Variants in EPHA6 observed in about 807,000 individuals in gnomAD.
EPHA6 encodes the protein EPH receptor A6, also known as ephrin type-A receptor 6.
Under a neutral mutation model 112.0 loss-of-function variants are expected in EPHA6, and 50 were observed. That is an observed-to-expected ratio of 0.45 (90% CI 0.36 to 0.56). The LOEUF is 0.56. EPHA6 is among the 20% of genes least tolerant of loss of function. EPHA6 has a pLI of 0.00. For synonymous variants in EPHA6, 529 were observed against 490.7 expected, an observed-to-expected ratio of 1.08 and a Z score of -1.03; for missense variants, 1,280 against 1,417.4, an observed-to-expected ratio of 0.90 and a Z score of 1.56.
At chr3:97,232,231 G>A (rs368019307) in intron 4 of EPHA6, among the ~76,000 whole-genome samples, 8 of 152,216 alleles carry the variant, frequency 5.3e-5, no homozygotes, top group South Asian at 2.1e-4. Context: ...ACCTCATACT[G>A]TTGTCACAAT....
Position 97,121,571 on chromosome 3 carries a change from C to T in EPHA6, c.1115-104693C>T, listed in dbSNP as rs80083690. ...CAAATACAAACTGTTTTTACAAAACCACTTGTCCACTTGGCTGGGTGCCAT... is the reference window on the plus strand; with the variant it reads ...CAAATACAAACTGTTTTTACAAAACTACTTGTCCACTTGGCTGGGTGCCAT... On this transcript the variant is annotated intron_variant, in intron 3 of 17. Coordinates refer to ENST00000389672, the MANE Select transcript of EPHA6 (RefSeq NM_001080448.3). Among the ~76,000 whole-genome samples the T allele has an allele frequency of 3.2e-3, 483 of 152,108 alleles. 5 individuals carry two copies. Among genetic ancestry groups the T allele is most frequent in the African/African-American group, 0.011 (467 of 41,516 alleles).
intron 2 of EPHA6, among the ~76,000 whole-genome samples, chr3:96,892,613 A>G (rs748590584): frequency 6.6e-6 from 1 of 151,884 alleles, no homozygotes; most frequent in Non-Finnish European, 1.5e-5. Context: ...ATTGGTGAGT[A>G]TTATTGTCTG....
In EPHA6 at chr3:97,462,781, A is replaced by T. The variant is rs1004356263; in HGVS notation, c.1895-12571A>T. Among the ~76,000 whole-genome samples the T allele has an allele frequency of 1.4e-4, 21 of 152,320 alleles. No homozygotes were observed. In the South Asian group the frequency reaches 4.3e-3, roughly 32 times the overall value. The stretch of plus-strand genomic sequence containing the variant: ...TCACATTTTGTTTACTGAGCATAAT[A>T]ACTGAAAAGAAGGCTACTCCATTCT... On this transcript the variant is annotated intron_variant, in intron 7 of 17. Coordinates refer to ENST00000389672, the MANE Select transcript of EPHA6 (RefSeq NM_001080448.3).
intron 11 of EPHA6, among the ~76,000 whole-genome samples, chr3:97,547,765 T>C (rs573202577): frequency 1.3e-5 from 2 of 152,284 alleles, no homozygotes; most frequent in South Asian, 4.1e-4. Context: ...AACTCAGCAA[T>C]GGTGGCGCCC....
At chr3:97,208,750 TAAA>T (rs539682728) in intron 3 of EPHA6, among the ~76,000 whole-genome samples, 1 of 145,148 alleles carries the variant, frequency 6.9e-6, no homozygotes, top group African/African-American at 2.5e-5. Context: ...CTGTCTCAAT[TAAA>T]AAAAAAAAAT....
intron 4 of EPHA6, among the ~76,000 whole-genome samples, chr3:97,242,534 A>T (rs2108578589): frequency 6.6e-6 from 1 of 152,000 alleles, no homozygotes; most frequent in South Asian, 2.1e-4. Flanking sequence ...TCATCCGCTT[A>T]CATAGATCTA....
At chr3:97,341,423 C>G (rs1269010390) in intron 5 of EPHA6, among the ~76,000 whole-genome samples, 1 of 151,790 alleles carries the variant, frequency 6.6e-6, no homozygotes, top group Non-Finnish European at 1.5e-5. Flanking sequence ...GGCACAATCT[C>G]AGCTCACTGC....
chr3:97,539,104 CT>C (rs1362420350), intron 11 of EPHA6, among the ~76,000 whole-genome samples: 12 of 124,698 alleles, frequency 9.6e-5, no homozygotes, highest in African/African-American at 1.9e-4. Flanking sequence ...TCCTTCCTTC[CT>C]TTCTTTCTTT....
chr3:97,199,128 T>C (rs1057331973), intron 3 of EPHA6, among the ~76,000 whole-genome samples: 11 of 152,154 alleles, frequency 7.2e-5, no homozygotes, highest in African/African-American at 1.7e-4. Context: ...TCCTAGCTTC[T>C]TTTCCACCTT....
At chr3:97,216,641 G>GT (rs1283738393) in intron 3 of EPHA6, among the ~76,000 whole-genome samples, 1 of 152,146 alleles carries the variant, frequency 6.6e-6, no homozygotes, top group African/African-American at 2.4e-5. Flanking sequence ...CCTACCTATA[G>GT]TAAGTACTGC....
chr3:97,187,760 GAAA>G (rs2077196061), intron 3 of EPHA6, among the ~76,000 whole-genome samples: 1 of 151,592 alleles, frequency 6.6e-6, no homozygotes, highest in African/African-American at 2.4e-5. Flanking sequence ...AAGAAAGAAA[GAAA>G]AATGCCATAT....
intron 5 of EPHA6, among the ~76,000 whole-genome samples, chr3:97,274,410 G>T (rs182708978): frequency 6.6e-6 from 1 of 152,166 alleles, no homozygotes; most frequent in Non-Finnish European, 1.5e-5. Context: ...GCTTCCTTTG[G>T]AAGTAAAGCG....
At chr3:97,418,669 A>G (rs2088338390) in intron 6 of EPHA6, among the ~76,000 whole-genome samples, 1 of 152,318 alleles carries the variant, frequency 6.6e-6, no homozygotes, top group East Asian at 1.9e-4. Context: ...AAGACCTACC[A>G]TAAAGAAATG....
At chr3:97,496,816 A>C (rs76848019) in intron 10 of EPHA6, among the ~76,000 whole-genome samples, 2,622 of 149,650 alleles carry the variant, frequency 0.018, 72 homozygotes, top group East Asian at 0.12. Flanking sequence ...CACACACACA[A>C]AAAAAAAACC....
In EPHA6 at chr3:96,968,494, G is replaced by C. The variant is rs564395035; in HGVS notation, c.451-18836G>C. 7.3e-5 allele frequency among the ~76,000 whole-genome samples: 11 copies of C among 151,478 alleles called. 2 individuals carry two copies. The highest frequency in any genetic ancestry group is 2.7e-4 in the African/African-American group (11 of 41,394). On this transcript the variant is annotated intron_variant, in intron 2 of 17. Transcript: ENST00000389672. Reference sequence around the variant, plus strand: ...TAAAATTCTCATTTCTGTCTCTTAAGAATATTGGATTAATTAGAAGTATAT... The same window carrying C: ...TAAAATTCTCATTTCTGTCTCTTAACAATATTGGATTAATTAGAAGTATAT...
intron 14 of EPHA6, among the ~76,000 whole-genome samples, chr3:97,694,651 A>C (rs1327503857): frequency 3.3e-5 from 5 of 152,252 alleles, no homozygotes; most frequent in Admixed American, 6.5e-5. Context: ...AAGTCACTTC[A>C]CTTCTGCCTC....
At chr3:97,458,775 G>T (rs77518540) in intron 7 of EPHA6, among the ~76,000 whole-genome samples, 4,675 of 152,098 alleles carry the variant, frequency 0.031, 175 homozygotes, top group African/African-American at 0.098. Context: ...AGCAGTAAAA[G>T]CTAAAGCAAG....
At chr3:97,075,274 AATAAAG>A (rs979457598) in intron 3 of EPHA6, among the ~76,000 whole-genome samples, 5 of 152,170 alleles carry the variant, frequency 3.3e-5, no homozygotes, top group African/African-American at 4.8e-5. Flanking sequence ...CTCATTCAAA[AATAAAG>A]ATAATGTTCA....
chr3:97,336,116 C>A (rs1342583052), intron 5 of EPHA6, among the ~76,000 whole-genome samples: 2 of 152,082 alleles, frequency 1.3e-5, no homozygotes, highest in African/African-American at 4.8e-5. Context: ...TTGCATGACT[C>A]CTAAAGCACA....
Sources: gnomAD v4.1 joint callset for allele counts (sites outside exome capture counted in the v4.1 genomes callset) on GRCh38, gnomAD v4.1.1 for gene constraint, MANE v1.5 for transcripts, NCBI Gene and HGNC (gene_info 2026-07-23, HGNC 2026-07-21) for gene names.